Variants in BAIAP2L1 observed in about 807,000 individuals in gnomAD.
BAIAP2L1 encodes BAR/IMD domain containing adaptor protein 2 like 1, also known as BAR/IMD domain-containing adapter protein 2-like 1.
A neutral mutation model predicts 66.3 loss-of-function variants in BAIAP2L1; 35 were observed. The observed-to-expected ratio is 0.53, with a 90% confidence interval of 0.40 to 0.70. BAIAP2L1 has a LOEUF of 0.70. Among genes scored for constraint, BAIAP2L1 ranks in the 30% least tolerant of loss-of-function variants. The probability of loss-of-function intolerance (pLI) is 0.00; values close to 1 mark genes in which losing one functional copy is unlikely to be tolerated. For missense variants in BAIAP2L1, 622 were observed against 656.9 expected, an observed-to-expected ratio of 0.95 and a Z score of 0.58; for synonymous variants, 269 against 248.7, an observed-to-expected ratio of 1.08 and a Z score of -0.77.
At chr7:98,312,375 T>C (rs1562969504) in intron 7 of BAIAP2L1, 111 bp from the exon 8 acceptor site, 1 of 1,224,672 alleles carries the variant, frequency 8.2e-7, no homozygotes, top group Non-Finnish European at 1.1e-6. Context: ...GCACCAGGAG[T>C]GTGGGGGCCC....
At chr7:98,335,609 T>C (rs984585777) in intron 3 of BAIAP2L1, among the ~76,000 whole-genome samples, 13 of 152,200 alleles carry the variant, frequency 8.5e-5, no homozygotes, top group Admixed American at 2.0e-4. Flanking sequence ...GATACACTCA[T>C]TCAGTCAATC....
Position 98,401,050 on chromosome 7 carries a change from T to A in BAIAP2L1, c.-198A>T. On this transcript the variant is annotated 5_prime_UTR_variant, in exon 1 of 14. Coordinates refer to ENST00000005260, the MANE Select transcript of BAIAP2L1 (RefSeq NM_018842.5). Reference sequence around the variant, plus strand: ...ACTTGCGGCAGCGCCGCCCTGGCCTTCTTCGAGGAGCAGAGGAGAAGCGGC... The same window carrying A: ...ACTTGCGGCAGCGCCGCCCTGGCCTACTTCGAGGAGCAGAGGAGAAGCGGC... The A allele has an allele frequency of 7.2e-6, 3 of 413,898 alleles. No individual in the cohort carries two copies. Among genetic ancestry groups the A allele is most frequent in the Non-Finnish European group, 8.2e-6 (2 of 244,610 alleles). 25.6% of individuals were successfully genotyped at this position (413,898 alleles called of 1,614,324 possible). A position where few individuals can be genotyped will look rare whatever the true frequency, so the allele number is the denominator to read the frequency against.
At chr7:98,297,528 G>A (rs189723178) in intron 12 of BAIAP2L1, among the ~76,000 whole-genome samples, 49 of 152,290 alleles carry the variant, frequency 3.2e-4, no homozygotes, top group East Asian at 1.7e-3. Flanking sequence ...CAAGCCAGCT[G>A]GAGGCCAGTT....
At chr7:98,306,064 A>G (rs1434345953) in intron 11 of BAIAP2L1, among the ~76,000 whole-genome samples, 3 of 152,216 alleles carry the variant, frequency 2.0e-5, no homozygotes, top group Non-Finnish European at 4.4e-5. Context: ...CCGGGGCCAG[A>G]GAACATTCCA....
intron 11 of BAIAP2L1, among the ~76,000 whole-genome samples, chr7:98,304,703 G>A (rs1245929148): frequency 1.3e-5 from 2 of 151,578 alleles, no homozygotes; most frequent in African/African-American, 4.9e-5. Context: ...GCACGCCAGT[G>A]TGCCCAGCTA....
At chr7:98,385,748 T>C (rs1444190871) in intron 1 of BAIAP2L1, 12 of 1,394,844 alleles carry the variant, frequency 8.6e-6, no homozygotes, top group South Asian at 1.2e-5. Context: ...TTGTTTTTTT[T>C]TTCACAAATA....
At chr7:98,348,282 T>C (rs1386856830) in intron 3 of BAIAP2L1, among the ~76,000 whole-genome samples, 1 of 151,724 alleles carries the variant, frequency 6.6e-6, no homozygotes, top group Non-Finnish European at 1.5e-5. Flanking sequence ...AAATATATAT[T>C]CTGGCCAGGC....
At chr7:98,379,338 T>C (rs1284263155) in intron 1 of BAIAP2L1, among the ~76,000 whole-genome samples, 1 of 152,192 alleles carries the variant, frequency 6.6e-6, no homozygotes, top group Non-Finnish European at 1.5e-5. Context: ...AGCTGCAGGC[T>C]GTACCCTCAG....
chr7:98,367,402 GCT>G (rs1255609448), intron 1 of BAIAP2L1, among the ~76,000 whole-genome samples: 3 of 152,004 alleles, frequency 2.0e-5, no homozygotes, highest in African/African-American at 7.3e-5. Flanking sequence ...ACAGAGTCTT[GCT>G]CTGTTGCCCA....
intron 1 of BAIAP2L1, among the ~76,000 whole-genome samples, chr7:98,390,677 A>G (rs867761785): frequency 2.0e-5 from 3 of 151,908 alleles, no homozygotes; most frequent in African/African-American, 4.8e-5. Context: ...GCTTGCAGTG[A>G]GCCAAGATTG....
Position 98,292,227 on chromosome 7 carries a change from C to T in BAIAP2L1, c.*1294G>A, listed in dbSNP as rs1305805433. 1.8e-5 allele frequency: 4 copies of T among 217,712 alleles called. No individual in the cohort carries two copies. The highest frequency in any genetic ancestry group is 1.3e-4 in the East Asian group (1 of 7,714). The allele number at this position is 217,712 out of a possible 1,614,324, so 13.5% of individuals were successfully genotyped here. A position where few individuals can be genotyped will look rare whatever the true frequency, so the allele number is the denominator to read the frequency against. ...CAAGGCTAAAGGAGAGGGGATAAGT[C>T]ACAGCCCCAGCACCCAGCAACACAC... On this transcript the variant is annotated 3_prime_UTR_variant, in exon 14 of 14. Transcript: ENST00000005260.
intron 12 of BAIAP2L1, among the ~76,000 whole-genome samples, chr7:98,297,376 G>A (rs1422136746): frequency 1.3e-5 from 2 of 152,292 alleles, no homozygotes; most frequent in African/African-American, 4.8e-5. Flanking sequence ...CGGGCAGCTC[G>A]GAGCACCGAG....
At chr7:98,395,049 T>C (rs1803167414) in intron 1 of BAIAP2L1, among the ~76,000 whole-genome samples, 1 of 149,956 alleles carries the variant, frequency 6.7e-6, no homozygotes, top group Non-Finnish European at 1.5e-5. Flanking sequence ...AGGCAAGGGT[T>C]GTAATGAGCC....
chr7:98,353,055 TC>T (rs1262508426), intron 3 of BAIAP2L1, among the ~76,000 whole-genome samples: 3 of 152,056 alleles, frequency 2.0e-5, no homozygotes. Flanking sequence ...TCTGTCTACA[TC>T]CGGCAGCCTC....
rs552018880 is a variant in BAIAP2L1 at position 98,326,357 on chromosome 7, C to T, written c.215-6059G>A. Among the ~76,000 whole-genome samples, 3 of 152,284 alleles carry T rather than the reference C, an allele frequency of 2.0e-5. No individual in the cohort carries two copies. The East Asian group carries it at 5.8e-4, about 29-fold the overall frequency. On this transcript the variant is annotated intron_variant, in intron 3 of 13. Coordinates refer to ENST00000005260, the MANE Select transcript of BAIAP2L1 (RefSeq NM_018842.5). ...CAAATAAGTGATAGGGTGAGCATTG[C>T]CTGGATCATTCCTCCGTGTCTAGCT...
At chr7:98,394,985 C>T (rs1181889251) in intron 1 of BAIAP2L1, among the ~76,000 whole-genome samples, 2 of 151,510 alleles carry the variant, frequency 1.3e-5, no homozygotes, top group East Asian at 3.9e-4. Flanking sequence ...GTGGCAGGTA[C>T]CTGTAACCCC....
intron 3 of BAIAP2L1, among the ~76,000 whole-genome samples, chr7:98,326,509 C>T (rs1335097546): frequency 2.6e-5 from 4 of 152,116 alleles, no homozygotes; most frequent in Non-Finnish European, 5.9e-5. Flanking sequence ...CCACAAGAGC[C>T]GGCTTGAAGG....
At position 98,371,765 on chromosome 7, in the gene BAIAP2L1, A is replaced by T. The variant is rs575484749; in HGVS notation, c.52-9333T>A. Among the ~76,000 whole-genome samples the T allele has an allele frequency of 5.3e-4, 81 of 152,088 alleles. 1 individual carries two copies. The highest frequency in any genetic ancestry group is 1.9e-3 in the African/African-American group (78 of 41,520). On this transcript the variant is annotated intron_variant, in intron 1 of 13. Transcript: ENST00000005260. ...TAGCCAGATAAGCTGAGTGGACTTTAAACTTTTAAAAATTAGTTTCTCTTT... is the reference window on the plus strand; with the variant it reads ...TAGCCAGATAAGCTGAGTGGACTTTTAACTTTTAAAAATTAGTTTCTCTTT...
intron 1 of BAIAP2L1, among the ~76,000 whole-genome samples, chr7:98,375,192 A>G (rs1802590131): frequency 2.0e-5 from 3 of 151,348 alleles, no homozygotes; most frequent in Admixed American, 1.3e-4. Context: ...CAGGAGTCCA[A>G]GACCAGCCTG....
Sources: allele counts gnomAD v4.1 joint callset (sites outside exome capture counted in the v4.1 genomes callset), GRCh38; gene constraint gnomAD v4.1.1; transcripts MANE v1.5; gene names NCBI Gene and HGNC (gene_info 2026-07-23, HGNC 2026-07-21).